The following ANOS1 variants were observed in gnomAD, a reference collection of about 807,000 sequenced individuals.
ANOS1 encodes anosmin 1.
ANOS1 carries 6 observed loss-of-function variants against 59.0 expected under a neutral mutation model. That is an observed-to-expected ratio of 0.10 (90% CI 0.06 to 0.20). ANOS1 has a LOEUF of 0.20. Ranked by LOEUF, ANOS1 falls within the 10% of genes least tolerant of loss-of-function variation. The probability of loss-of-function intolerance (pLI) is 1.00; values close to 1 mark genes in which losing one functional copy is unlikely to be tolerated. For missense variants in ANOS1, 433 were observed against 542.3 expected, an observed-to-expected ratio of 0.80 and a Z score of 2.00; for synonymous variants, 217 against 223.4, an observed-to-expected ratio of 0.97 and a Z score of 0.25.
At chrX:8,550,108 A>G (rs1929832198) in intron 9 of ANOS1, among the ~76,000 whole-genome samples, 1 of 112,058 alleles carries the variant, frequency 8.9e-6, no homozygotes, top group Non-Finnish European at 1.9e-5. Context: ...CAAACAAATC[A>G]TCAGAGAAAA....
chrX:8,561,938 T>C (rs1363413072), intron 8 of ANOS1, among the ~76,000 whole-genome samples: 2 of 110,809 alleles, frequency 1.8e-5, no homozygotes, highest in African/African-American at 6.6e-5. Flanking sequence ...TTTCTTTCTT[T>C]CTTTTTTTTG....
chrX:8,729,391 CTTTTTTTTTTTTT>C (rs1162458402), intron 1 of ANOS1, among the ~76,000 whole-genome samples: 7 of 72,626 alleles, frequency 9.6e-5, no homozygotes, highest in Non-Finnish European at 1.7e-4. Context: ...ACCTTCCTTC[CTTTTTTTTTTTTT>C]TTTTTTTTTT....
rs1216359030 is a variant in ANOS1, at chrX:8,619,285, C to T, written c.318+4323G>A. On this transcript the variant is annotated intron_variant, in intron 3 of 13. Transcript: ENST00000262648. ...TCTCAATTTTTTTCCTGTTTTGATA[C>T]AAACATTTAACTTCTTCATTTAAAA... 3.6e-5 allele frequency among the ~76,000 whole-genome samples: 4 copies of T among 110,462 alleles called. No individual in the cohort carries two copies. The East Asian group carries it at 8.6e-4, about 24-fold the overall frequency.
rs1932559344 is a variant in ANOS1 at position 8,688,684 on chromosome X, C to G, written c.255+11014G>C. ...CACCCGTAAAATTGACATGGAAAAG[C>G]AGAAACACACTGAGCTATTAACTTG... On this transcript the variant is annotated intron_variant, in intron 2 of 13. Transcript: ENST00000262648. Among the ~76,000 whole-genome samples, 3 of 112,014 alleles carry G rather than the reference C, an allele frequency of 2.7e-5. No homozygotes were observed. The Admixed American group carries it at 2.8e-4, about 11-fold the overall frequency.
intron 4 of ANOS1, 146 bp downstream of exon 4, chrX:8,596,888 A>C: frequency 1.1e-6 from 1 of 917,504 alleles, no homozygotes; most frequent in Non-Finnish European, 1.5e-6. Context: ...GATTATGTTA[A>C]GATGTCTGTA....
Position 8,532,421 on chromosome X carries a change from T to A in ANOS1, c.*574A>T, listed in dbSNP as rs937745696. The A allele has an allele frequency of 8.9e-6, 1 of 111,860 alleles. No homozygotes were observed. Among genetic ancestry groups the A allele is most frequent in the African/African-American group, 3.3e-5 (1 of 30,715 alleles). 9.2% of individuals were successfully genotyped at this position (111,860 alleles called of 1,213,427 possible). A position where few individuals can be genotyped will look rare whatever the true frequency, so the allele number is the denominator to read the frequency against. ...TTGCATAAAGAGCAGCACAAGGTACTTAAAGTAGGAGCATTTTTAGATTTA... is the reference window on the plus strand; with the variant it reads ...TTGCATAAAGAGCAGCACAAGGTACATAAAGTAGGAGCATTTTTAGATTTA... On this transcript the variant is annotated 3_prime_UTR_variant, in exon 14 of 14. Transcript: ENST00000262648.
intron 2 of ANOS1, among the ~76,000 whole-genome samples, chrX:8,662,961 T>C (rs1235231658): frequency 9.0e-6 from 1 of 111,478 alleles, no homozygotes; most frequent in African/African-American, 3.3e-5. Flanking sequence ...GAGGCGGAGG[T>C]TGCGATGAGC....
At chrX:8,665,147 T>C (rs908430023) in intron 2 of ANOS1, among the ~76,000 whole-genome samples, 3 of 112,001 alleles carry the variant, frequency 2.7e-5, no homozygotes, top group East Asian at 5.6e-4. Flanking sequence ...GACGCAGCAG[T>C]GTGCTTCAAA....
At chrX:8,685,191 A>G (rs983253672) in intron 2 of ANOS1, among the ~76,000 whole-genome samples, 1 of 111,090 alleles carries the variant, frequency 9.0e-6, no homozygotes, top group African/African-American at 3.3e-5. Context: ...TCCTATTTAA[A>G]CCCTGCGTTT....
chrX:8,730,662 C>T (rs1041883977), intron 1 of ANOS1, among the ~76,000 whole-genome samples: 6 of 108,720 alleles, frequency 5.5e-5, no homozygotes, highest in Non-Finnish European at 1.2e-4. Flanking sequence ...CAGTTCCCGC[C>T]CAGCCAGGGG....
chrX:8,665,364 A>C (rs1230482298), intron 2 of ANOS1, among the ~76,000 whole-genome samples: 1 of 112,572 alleles, frequency 8.9e-6, no homozygotes, highest in Non-Finnish European at 1.9e-5. Context: ...GATCTGTCAC[A>C]GAGTTGTACT....
intron 2 of ANOS1, among the ~76,000 whole-genome samples, chrX:8,677,222 G>A (rs1038431642): frequency 9.0e-6 from 1 of 111,204 alleles, no homozygotes; most frequent in Non-Finnish European, 1.9e-5. Context: ...GCAGCGTGTT[G>A]AGCTGCATCC....
intron 2 of ANOS1, among the ~76,000 whole-genome samples, chrX:8,694,372 G>A (rs1310983912): frequency 8.9e-6 from 1 of 112,543 alleles, no homozygotes; most frequent in Non-Finnish European, 1.9e-5. Flanking sequence ...ATGAAAATAG[G>A]TTCTTAAAGT....
intron 2 of ANOS1, among the ~76,000 whole-genome samples, chrX:8,672,702 C>T (rs767855992): frequency 4.5e-5 from 5 of 111,802 alleles, no homozygotes; most frequent in Non-Finnish European, 9.4e-5. Context: ...ACTCACGAAT[C>T]TGTTAATTTA....
chrX:8,731,448 C>T (rs975863337), intron 1 of ANOS1, among the ~76,000 whole-genome samples: 4 of 111,594 alleles, frequency 3.6e-5, no homozygotes, highest in African/African-American at 9.8e-5. Flanking sequence ...CTCCCAGTGC[C>T]CCGGAGCGCC....
In ANOS1 at chrX:8,572,795, T is replaced by C. The variant is rs898968099; in HGVS notation, c.857-2091A>G. Among the ~76,000 whole-genome samples the C allele has an allele frequency of 4.5e-5, 5 of 111,717 alleles. No homozygotes were observed. In the South Asian group the frequency reaches 1.5e-3, roughly 34 times the overall value. Reference sequence around the variant, plus strand: ...GACCCAGGATTATGTATATCTTATATGAAACACACAGGTAATATGAGGTAG... The same window carrying C: ...GACCCAGGATTATGTATATCTTATACGAAACACACAGGTAATATGAGGTAG... On this transcript the variant is annotated intron_variant, in intron 6 of 13. Coordinates refer to ENST00000262648, the MANE Select transcript of ANOS1 (RefSeq NM_000216.4).
chrX:8,680,124 C>A (rs1448681806), intron 2 of ANOS1, among the ~76,000 whole-genome samples: 5 of 96,269 alleles, frequency 5.2e-5, no homozygotes, highest in Non-Finnish European at 1.0e-4. Flanking sequence ...AAGATCGCAC[C>A]ACTGCACTCC....
At chrX:8,584,711 G>A (rs1014505719) in intron 6 of ANOS1, among the ~76,000 whole-genome samples, 4 of 111,749 alleles carry the variant, frequency 3.6e-5, no homozygotes, top group African/African-American at 6.5e-5. Context: ...TCCTTCAACC[G>A]TCACAGATTA....
At position 8,596,903 on chromosome X, in the gene ANOS1, G is replaced by T. The variant is rs1930746661; in HGVS notation, c.541+131C>A. The T allele has an allele frequency of 3.9e-6, 4 of 1,019,034 alleles. No homozygotes were observed. In the South Asian group the frequency reaches 8.3e-5, roughly 21 times the overall value. 84.0% of individuals were successfully genotyped at this position (1,019,034 alleles called of 1,213,427 possible). A position where few individuals can be genotyped will look rare whatever the true frequency, so the allele number is the denominator to read the frequency against. The stretch of plus-strand genomic sequence containing the variant: ...GATTATGTTAAGATGTCTGTATGTG[G>T]TATAAAATAAATTTTCTAAAGATTT... On this transcript the variant is annotated intron_variant, in intron 4 of 13. Coordinates refer to ENST00000262648, the MANE Select transcript of ANOS1 (RefSeq NM_000216.4).
Sources: gnomAD v4.1 joint callset for allele counts (sites outside exome capture counted in the v4.1 genomes callset) on GRCh38, gnomAD v4.1.1 for gene constraint, MANE v1.5 for transcripts, NCBI Gene and HGNC (gene_info 2026-07-23, HGNC 2026-07-21) for gene names.